SPRTN: variants seen among roughly 807,000 people sequenced by gnomAD.
The protein encoded by SPRTN is SprT-like N-terminal domain.
SPRTN carries 11 observed loss-of-function variants against 31.9 expected under a neutral mutation model. The observed-to-expected ratio is 0.34, with a 90% CI of 0.22 to 0.57. The LOEUF (loss-of-function observed/expected upper bound fraction) is 0.57. Ranked by LOEUF, SPRTN falls within the 20% of genes least tolerant of loss-of-function variation. The pLI, the probability that SPRTN is intolerant of heterozygous loss-of-function variation, is 0.86. For synonymous variants in SPRTN, 185 were observed against 212.1 expected, an observed-to-expected ratio of 0.87 and a Z score of 1.11; for missense variants, 482 against 590.1, an observed-to-expected ratio of 0.82 and a Z score of 1.90.
intron 2 of SPRTN, among the ~76,000 whole-genome samples, chr1:231,342,761 A>G (rs933499201): frequency 2.9e-5 from 4 of 136,928 alleles, no homozygotes; most frequent in Non-Finnish European, 3.1e-5. Context: ...TTTGAGATGG[A>G]GTCTCGCTCT....
rs771978456 is a variant in SPRTN at position 231,351,369 on chromosome 1, G to A, written c.516G>A (p.Pro172=). 1.1e-5 allele frequency: 18 copies of A among 1,613,990 alleles called. No individual in the cohort carries two copies. Among genetic ancestry groups the A allele is most frequent in the African/African-American group, 4.0e-5 (3 of 74,898 alleles). ...GACACTGGTGGCGCTGCAATGGGCC[G>A]TGCCAGCACAGGCCACCGTATTACG... ...YRRHWWRCNG[P]CQHRPPYYGY... Residue 172 remains proline (P), a synonymous_variant, in exon 4 of 5, where the codon CCG becomes CCA. Coordinates refer to ENST00000295050, the MANE Select transcript of SPRTN (RefSeq NM_032018.7).
At chr1:231,350,545 C>A (rs571570998) in intron 3 of SPRTN, among the ~76,000 whole-genome samples, 13 of 152,106 alleles carry the variant, frequency 8.5e-5, no homozygotes, top group Admixed American at 3.9e-4. Context: ...CTACTTAAGG[C>A]CTGAAAAGCA....
In SPRTN at chr1:231,353,635, C is replaced by G. The variant is rs1349400873; in HGVS notation, c.*274C>G. 1.8e-6 allele frequency: 2 copies of G among 1,083,192 alleles called. No homozygotes were observed. Among genetic ancestry groups the G allele is most frequent in the Non-Finnish European group, 2.2e-6 (2 of 891,494 alleles). The allele number at this position is 1,083,192 out of a possible 1,614,324, so 67.1% of individuals were successfully genotyped here. ...TTAGATACTTTTGTTCTTTCTTGCTCTTAAGGATTTTAAAAACCTGTTAAT... is the reference window on the plus strand; with the variant it reads ...TTAGATACTTTTGTTCTTTCTTGCTGTTAAGGATTTTAAAAACCTGTTAAT... On this transcript the variant is annotated 3_prime_UTR_variant, in exon 5 of 5. Transcript: ENST00000295050.
At chr1:231,345,936 C>T (rs1049883102) in intron 2 of SPRTN, among the ~76,000 whole-genome samples, 3 of 152,106 alleles carry the variant, frequency 2.0e-5, no homozygotes, top group Admixed American at 2.0e-4. Flanking sequence ...TCTCCGCCTC[C>T]TGAGTAGCTA....
At chr1:231,349,747 C>T (rs575606199) in intron 3 of SPRTN, among the ~76,000 whole-genome samples, 2 of 152,260 alleles carry the variant, frequency 1.3e-5, no homozygotes, top group African/African-American at 2.4e-5. Flanking sequence ...TGGTGGCTCA[C>T]GCCTGTAATC....
chr1:231,344,520 GATAA>G (rs1172417275), intron 2 of SPRTN: 3 of 173,404 alleles, frequency 1.7e-5, no homozygotes, highest in Non-Finnish European at 4.1e-5. Context: ...GAAATAATAA[GATAA>G]ATAAATAAAG....
At chr1:231,340,054 A>AAC (rs946221355) in intron 2 of SPRTN, 186 bp downstream of exon 2, 25 of 499,598 alleles carry the variant, frequency 5.0e-5, no homozygotes, top group East Asian at 3.7e-4. Flanking sequence ...TAGTAAAAAA[A>AAC]AAAAAAACAA....
At chr1:231,341,763 G>T (rs1686898255) in intron 2 of SPRTN, among the ~76,000 whole-genome samples, 1 of 152,176 alleles carries the variant, frequency 6.6e-6, no homozygotes, top group Non-Finnish European at 1.5e-5. Flanking sequence ...GAGACAGGCG[G>T]ATCACTTGAG....
rs377714192 is a variant in SPRTN, at chr1:231,353,506, C to G, written c.*145C>G. The G allele has an allele frequency of 9.0e-4, 1,240 of 1,374,730 alleles. 2 individuals are homozygous for G. The highest frequency in any genetic ancestry group is 1.1e-3 in the Non-Finnish European group (1,157 of 1,071,546). 85.2% of individuals were successfully genotyped at this position (1,374,730 alleles called of 1,614,324 possible). On this transcript the variant is annotated 3_prime_UTR_variant, in exon 5 of 5. Transcript: ENST00000295050. Reference sequence around the variant, plus strand: ...TAGAAAGTGTCCTATTTTATATATACGCATATAAGATTGTAATTTTAAGAT... The same window carrying G: ...TAGAAAGTGTCCTATTTTATATATAGGCATATAAGATTGTAATTTTAAGAT...
intron 3 of SPRTN, 117 bp downstream of exon 3, chr1:231,348,042 C>G (rs1687114349): frequency 7.1e-7 from 1 of 1,404,692 alleles, no homozygotes; most frequent in Non-Finnish European, 9.5e-7. Context: ...TTTTCCACAG[C>G]GAACGAGAGG....
rs901788105 is a variant in SPRTN, at chr1:231,353,091, T to C, written c.1200T>C (p.Ser400=). 6.2e-7 allele frequency: 1 copy of C among 1,613,828 alleles called. No homozygotes were observed. The highest frequency in any genetic ancestry group is 1.3e-5 in the African/African-American group (1 of 74,916). Residue 400 remains serine (S), a synonymous_variant, in exon 5 of 5, where the codon TCT becomes TCC. Transcript: ENST00000295050. ...TGCCATCCCAGGATGTGAGTGGGTCTGAAGATACATTCCCAAATAAACGAC... is the reference window on the plus strand; with the variant it reads ...TGCCATCCCAGGATGTGAGTGGGTCCGAAGATACATTCCCAAATAAACGAC... The part of the protein sequence containing the change: ...SVMPSQDVSG[S]EDTFPNKRPR...
chr1:231,354,066 T>C lies in SPRTN; in HGVS notation c.*705T>C. ...GGCCAAATTTTATATTGAGTTTAGC[T>C]GTTTTCTCAAAATTTAGCAGAGTGG... On this transcript the variant is annotated 3_prime_UTR_variant, in exon 5 of 5. Coordinates refer to ENST00000295050, the MANE Select transcript of SPRTN (RefSeq NM_032018.7). 2 of 978,128 alleles carry C rather than the reference T, an allele frequency of 2.0e-6. No individual in the cohort carries two copies. Among genetic ancestry groups the C allele is most frequent in the Non-Finnish European group, 1.2e-6 (1 of 823,284 alleles). The allele number at this position is 978,128 out of a possible 1,614,324, so 60.6% of individuals were successfully genotyped here.
At position 231,351,555 on chromosome 1, in the gene SPRTN, G is replaced by C; in HGVS notation, c.702G>C (p.Leu234Phe). The C allele has an allele frequency of 6.2e-7, 1 of 1,613,998 alleles. No individual in the cohort carries two copies. The highest frequency in any genetic ancestry group is 1.7e-5 in the Admixed American group (1 of 59,970). ...CAAAACTAGGAAAGGAACCAGTATTGGCCGCAGAGAATAAAGGTACCTTCG... is the reference window on the plus strand; with the variant it reads ...CAAAACTAGGAAAGGAACCAGTATTCGCCGCAGAGAATAAAGGTACCTTCG... Reference protein sequence around the residue: ...GKAKLGKEPVLAAENKDKPNR... With the variant: ...GKAKLGKEPVFAAENKDKPNR... Residue 234 changes from leucine to phenylalanine, a missense_variant, in exon 4 of 5, where the codon TTG (leucine) becomes TTC (phenylalanine). By Grantham distance (22) the Leu-to-Phe change is conservative. Coordinates refer to ENST00000295050, the MANE Select transcript of SPRTN (RefSeq NM_032018.7).
chr1:231,349,141 A>T (rs541737895), intron 3 of SPRTN, among the ~76,000 whole-genome samples: 13 of 150,704 alleles, frequency 8.6e-5, no homozygotes, highest in South Asian at 4.2e-4. Flanking sequence ...AAGCTAATTT[A>T]AAAAAAAATT....
At chr1:231,338,658 C>A in intron 1 of SPRTN, 54 bp downstream of exon 1, 1 of 1,597,448 alleles carries the variant, frequency 6.3e-7, no homozygotes, top group Non-Finnish European at 8.6e-7. Context: ...TTTCCTGCAG[C>A]CCCCGGCCCT....
intron 2 of SPRTN, among the ~76,000 whole-genome samples, chr1:231,344,914 C>G (rs571667104): frequency 3.9e-5 from 6 of 152,146 alleles, no homozygotes; most frequent in Non-Finnish European, 8.8e-5. Context: ...CTGTAGAAAG[C>G]TATACACAAA....
chr1:231,352,410 T>TA, intron 4 of SPRTN, 200 bp from the exon 5 acceptor site: 1 of 1,237,884 alleles, frequency 8.1e-7, no homozygotes, highest in Non-Finnish European at 1.0e-6. Flanking sequence ...AATTTTTTTT[T>TA]ATCCTTTATA....
At chr1:231,341,561 G>A (rs1237907338) in intron 2 of SPRTN, among the ~76,000 whole-genome samples, 2 of 152,104 alleles carry the variant, frequency 1.3e-5, no homozygotes, top group African/African-American at 4.8e-5. Flanking sequence ...TTCAAGGGAA[G>A]AAGTTTTACT....
intron 2 of SPRTN, among the ~76,000 whole-genome samples, chr1:231,340,985 T>G (rs1006758471): frequency 6.6e-6 from 1 of 152,112 alleles, no homozygotes; most frequent in African/African-American, 2.4e-5. Context: ...ATGGGTAAGT[T>G]GGGGAATTTT....
Sources: gnomAD v4.1 joint callset for allele counts (sites outside exome capture counted in the v4.1 genomes callset) on GRCh38, gnomAD v4.1.1 for gene constraint, MANE v1.5 for transcripts, NCBI Gene and HGNC (gene_info 2026-07-23, HGNC 2026-07-21) for gene names.